The following MAN1A2 variants were observed in gnomAD, a reference collection of about 807,000 sequenced individuals.
The protein encoded by MAN1A2 is mannosyl-oligosaccharide 1,2-alpha-mannosidase IB.
MAN1A2 carries 26 observed loss-of-function variants against 75.7 expected under a neutral mutation model. That is an observed-to-expected ratio of 0.34 (90% CI 0.25 to 0.48). MAN1A2 has a LOEUF of 0.48. Among genes scored for constraint, MAN1A2 ranks in the 20% least tolerant of loss-of-function variants. The pLI is 0.99. For missense variants in MAN1A2, 562 were observed against 775.5 expected (o/e 0.72, Z 3.27); for synonymous variants, 247 against 264.6 (o/e 0.93, Z 0.65).
intron 5 of MAN1A2, among the ~76,000 whole-genome samples, chr1:117,429,611 C>T (rs1416019570): frequency 6.0e-5 from 6 of 100,232 alleles, no homozygotes; most frequent in East Asian, 6.7e-4. Context: ...CCGGATGGGG[C>T]GGCTGGCCGG....
chr1:117,470,618 T>C (rs1399168186), intron 8 of MAN1A2, among the ~76,000 whole-genome samples: 1 of 152,042 alleles, frequency 6.6e-6, no homozygotes, highest in East Asian at 1.9e-4. Flanking sequence ...TAGAAAGAGC[T>C]ATTCACTGGT....
chr1:117,522,688 T>A lies in MAN1A2; in HGVS notation c.1794-137T>A, dbSNP rs180929462. On this transcript the variant is annotated intron_variant, in intron 12 of 12. Coordinates refer to ENST00000356554, the MANE Select transcript of MAN1A2 (RefSeq NM_006699.5). ...TTTGTGTTTAGATCATTTGGGTGTC[T>A]GAGGTTTATTTCTTTGATGTTTTTC... 1.6e-4 allele frequency: 118 copies of A among 716,580 alleles called. No individual in the cohort carries two copies. In the East Asian group the frequency reaches 2.9e-3, roughly 17 times the overall value. The allele number at this position is 716,580 out of a possible 1,614,324, so 44.4% of individuals were successfully genotyped here.
At chr1:117,431,282 T>C (rs1570739464) in intron 5 of MAN1A2, among the ~76,000 whole-genome samples, 1 of 137,874 alleles carries the variant, frequency 7.3e-6, no homozygotes, top group Non-Finnish European at 1.5e-5. Flanking sequence ...AAAGACATAA[T>C]CACAACATTA....
At position 117,478,357 on chromosome 1, in the gene MAN1A2, G is replaced by A. The variant is rs193024030; in HGVS notation, c.1168+11930G>A. Among the ~76,000 whole-genome samples the A allele has an allele frequency of 7.2e-4, 109 of 151,980 alleles. 1 individual carries two copies. Among genetic ancestry groups the A allele is most frequent in the African/African-American group, 2.6e-3 (108 of 41,494 alleles). ...CCTATATCAGATATATTCTTGGAAGGTATTTTCACCCCATCTTTTAATTCT... is the reference window on the plus strand; with the variant it reads ...CCTATATCAGATATATTCTTGGAAGATATTTTCACCCCATCTTTTAATTCT... On this transcript the variant is annotated intron_variant, in intron 8 of 12. Transcript: ENST00000356554.
At chr1:117,429,787 G>A (rs1475284185) in intron 5 of MAN1A2, among the ~76,000 whole-genome samples, 246 of 94,196 alleles carry the variant, frequency 2.6e-3, no homozygotes, top group East Asian at 5.1e-3. Context: ...TCCCGGACGG[G>A]GCGGCTGGCC....
intron 2 of MAN1A2, among the ~76,000 whole-genome samples, chr1:117,402,663 T>C (rs1001734626): frequency 6.6e-6 from 1 of 151,992 alleles, no homozygotes; most frequent in Non-Finnish European, 1.5e-5. Context: ...TTGATACAAC[T>C]TTTGGATGGT....
intron 6 of MAN1A2, among the ~76,000 whole-genome samples, chr1:117,449,708 A>G (rs1468276818): frequency 6.6e-6 from 1 of 152,348 alleles, no homozygotes; most frequent in East Asian, 1.9e-4. Context: ...TAACAATGCT[A>G]TGCCAGTGAA....
chr1:117,518,010 T>G (rs1181972684), intron 12 of MAN1A2, among the ~76,000 whole-genome samples: 1 of 151,948 alleles, frequency 6.6e-6, no homozygotes, highest in Non-Finnish European at 1.5e-5. Context: ...TGGAAAGACT[T>G]AAAGTAATTT....
At chr1:117,408,355 G>A (rs193236294) in intron 3 of MAN1A2, among the ~76,000 whole-genome samples, 2 of 150,572 alleles carry the variant, frequency 1.3e-5, no homozygotes, top group Admixed American at 1.3e-4. Flanking sequence ...AGATATTCTG[G>A]AAAGTAGAAA....
chr1:117,375,902 A>T (rs898570484), intron 1 of MAN1A2, among the ~76,000 whole-genome samples: 19 of 143,148 alleles, frequency 1.3e-4, no homozygotes, highest in Non-Finnish European at 1.9e-4. Flanking sequence ...TGTATTTAAG[A>T]TAATTAATTT....
chr1:117,433,791 T>C (rs998713898), intron 5 of MAN1A2, among the ~76,000 whole-genome samples: 2 of 152,196 alleles, frequency 1.3e-5, no homozygotes, highest in African/African-American at 4.8e-5. Context: ...TTAAAAATTT[T>C]TGGAAATGAG....
Position 117,382,426 on chromosome 1 carries a change from T to C in MAN1A2, c.302+13941T>C, listed in dbSNP as rs541292246. Among the ~76,000 whole-genome samples, 12 of 152,328 alleles carry C rather than the reference T, an allele frequency of 7.9e-5. No homozygotes were observed. In the South Asian group the frequency reaches 1.9e-3, roughly 24 times the overall value. On this transcript the variant is annotated intron_variant, in intron 1 of 12. Coordinates refer to ENST00000356554, the MANE Select transcript of MAN1A2 (RefSeq NM_006699.5). ...GCTAGCCAGTTTACCCAGCACCATTTATTAAATAGGGAATCCTTTCCCCAT... is the reference window on the plus strand; with the variant it reads ...GCTAGCCAGTTTACCCAGCACCATTCATTAAATAGGGAATCCTTTCCCCAT...
chr1:117,457,315 A>G (rs1364051412), intron 6 of MAN1A2, among the ~76,000 whole-genome samples: 7 of 152,072 alleles, frequency 4.6e-5, no homozygotes, highest in Non-Finnish European at 7.4e-5. Context: ...CTCTGAGTAT[A>G]TACGTAAATT....
chr1:117,458,506 TATATAG>T (rs1557959078), intron 6 of MAN1A2, among the ~76,000 whole-genome samples: 24 of 100,800 alleles, frequency 2.4e-4, no homozygotes, highest in South Asian at 7.8e-4. Flanking sequence ...TCTATATATA[TATATAG>T]ATATATATAT....
At chr1:117,504,840 G>A (rs531288249) in intron 12 of MAN1A2, among the ~76,000 whole-genome samples, 78 of 151,162 alleles carry the variant, frequency 5.2e-4, no homozygotes, top group Admixed American at 1.2e-3. Context: ...TTTTCTAATT[G>A]TTCCACATGA....
intron 8 of MAN1A2, among the ~76,000 whole-genome samples, chr1:117,471,576 C>T (rs1016855280): frequency 3.3e-5 from 5 of 151,676 alleles, no homozygotes; most frequent in Non-Finnish European, 5.9e-5. Context: ...GCTTCAAGTT[C>T]CTTAGTGGTA....
intron 1 of MAN1A2, among the ~76,000 whole-genome samples, chr1:117,378,285 T>C (rs1486529523): frequency 6.6e-6 from 1 of 152,190 alleles, no homozygotes; most frequent in Non-Finnish European, 1.5e-5. Flanking sequence ...ACATTGTCAT[T>C]GTCAGTGCAT....
At chr1:117,452,161 G>A (rs973780582) in intron 6 of MAN1A2, among the ~76,000 whole-genome samples, 2 of 150,954 alleles carry the variant, frequency 1.3e-5, no homozygotes, top group African/African-American at 2.4e-5. Context: ...ACAGAAACTC[G>A]CTGGGCATGG....
At chr1:117,509,251 G>A (rs573665775) in intron 12 of MAN1A2, among the ~76,000 whole-genome samples, 10 of 151,838 alleles carry the variant, frequency 6.6e-5, no homozygotes, top group Non-Finnish European at 1.5e-4. Flanking sequence ...GCAGTTCTTA[G>A]AAAAGAAATG....
Sources: gnomAD v4.1 joint callset for allele counts (sites outside exome capture counted in the v4.1 genomes callset) on GRCh38, gnomAD v4.1.1 for gene constraint, MANE v1.5 for transcripts, NCBI Gene and HGNC (gene_info 2026-07-23, HGNC 2026-07-21) for gene names.